The following AGBL4 variants were observed in gnomAD, a reference collection of about 807,000 sequenced individuals.
AGBL4 encodes cytosolic carboxypeptidase 6.
A neutral mutation model predicts 66.4 loss-of-function variants in AGBL4; 58 were observed. That is an observed-to-expected ratio of 0.87 (90% CI 0.71 to 1.09). The LOEUF (loss-of-function observed/expected upper bound fraction) is 1.09, where lower values mean the gene tolerates loss of function less well. Ranked by LOEUF, AGBL4 falls within the 50% of genes least tolerant of loss-of-function variation. The pLI is 0.00. For missense variants in AGBL4, 579 were observed against 631.0 expected (o/e 0.92, Z 0.88); for synonymous variants, 234 against 222.9 (o/e 1.05, Z -0.44).
At chr1:48,875,797 G>A (rs759535288) in intron 5 of AGBL4, among the ~76,000 whole-genome samples, 4 of 152,214 alleles carry the variant, frequency 2.6e-5, no homozygotes, top group East Asian at 1.9e-4. Flanking sequence ...CACAACAGCC[G>A]TTTGAGGCAG....
At chr1:49,559,105 A>C (rs1031011326) in intron 3 of AGBL4, among the ~76,000 whole-genome samples, 5 of 152,110 alleles carry the variant, frequency 3.3e-5, no homozygotes, top group Non-Finnish European at 7.4e-5. Context: ...GAAGTACCTA[A>C]GGTCTTGGGT....
intron 4 of AGBL4, among the ~76,000 whole-genome samples, chr1:49,108,431 A>C (rs1645340278): frequency 6.6e-6 from 1 of 152,232 alleles, no homozygotes; most frequent in South Asian, 2.1e-4. Context: ...GGTAAGGAGA[A>C]GGGAAAGGTG....
Position 49,451,994 on chromosome 1 carries a change from T to C in AGBL4, c.283-206130A>G, listed in dbSNP as rs547965323. Among the ~76,000 whole-genome samples, 3 of 152,044 alleles carry C rather than the reference T, an allele frequency of 2.0e-5. No homozygotes were observed. In the South Asian group the frequency reaches 6.2e-4, roughly 32 times the overall value. Reference sequence around the variant, plus strand: ...GACAGAACTTTGGATCACATCCTCTTTTTTTCTCTCCTTTTGCCCAATACT... The same window carrying C: ...GACAGAACTTTGGATCACATCCTCTCTTTTTCTCTCCTTTTGCCCAATACT... On this transcript the variant is annotated intron_variant, in intron 3 of 13. Transcript: ENST00000371839.
chr1:49,404,935 A>C (rs1256984956), intron 3 of AGBL4, among the ~76,000 whole-genome samples: 1 of 152,214 alleles, frequency 6.6e-6, no homozygotes, highest in African/African-American at 2.4e-5. Flanking sequence ...AGGATTTCCT[A>C]TGTAATGCAT....
intron 4 of AGBL4, among the ~76,000 whole-genome samples, chr1:49,192,516 C>T (rs960726586): frequency 2.6e-5 from 4 of 152,150 alleles, no homozygotes; most frequent in Admixed American, 6.5e-5. Flanking sequence ...CCAGGCTGGT[C>T]GCAAACTCCT....
At chr1:49,718,778 A>T (rs1396662494) in intron 2 of AGBL4, among the ~76,000 whole-genome samples, 1 of 152,018 alleles carries the variant, frequency 6.6e-6, no homozygotes, top group Non-Finnish European at 1.5e-5. Flanking sequence ...CTTTATTCCA[A>T]GAATATAAAG....
At chr1:49,463,814 A>C (rs569263263) in intron 3 of AGBL4, among the ~76,000 whole-genome samples, 2 of 151,884 alleles carry the variant, frequency 1.3e-5, no homozygotes, top group South Asian at 4.1e-4. Flanking sequence ...GAGTGTGCTA[A>C]GAGTATAAAT....
chr1:49,497,948 T>C (rs1393900860), intron 3 of AGBL4, among the ~76,000 whole-genome samples: 2 of 152,080 alleles, frequency 1.3e-5, no homozygotes. Flanking sequence ...ACATTGAATC[T>C]GCTTTTCATC....
In AGBL4 at chr1:48,533,943, G is replaced by C; in HGVS notation, c.*230C>G. ...AGAAAATAGCATCTGTGCTCACCTG[G>C]TTCCGATCTCCTATTTTGTTCCTGA... is the stretch of plus-strand genomic sequence containing the variant. On this transcript the variant is annotated 3_prime_UTR_variant, in exon 14 of 14. Transcript: ENST00000371839. 1.7e-6 allele frequency: 1 copy of C among 597,198 alleles called. No individual in the cohort carries two copies. Among genetic ancestry groups the C allele is most frequent in the Non-Finnish European group, 2.9e-6 (1 of 342,570 alleles). 37.0% of individuals were successfully genotyped at this position (597,198 alleles called of 1,614,324 possible).
At chr1:48,559,169 A>G (rs1644361421) in intron 11 of AGBL4, among the ~76,000 whole-genome samples, 2 of 152,176 alleles carry the variant, frequency 1.3e-5, no homozygotes, top group South Asian at 4.1e-4. Context: ...CAATGTTTTT[A>G]TCCCCCAAGC....
At chr1:49,716,292 T>A (rs959598612) in intron 2 of AGBL4, among the ~76,000 whole-genome samples, 10 of 152,144 alleles carry the variant, frequency 6.6e-5, no homozygotes, top group African/African-American at 1.4e-4. Context: ...GAAGCCTCTG[T>A]TCTGTTCCAT....
At chr1:48,955,600 C>T (rs1198611927) in intron 5 of AGBL4, among the ~76,000 whole-genome samples, 3 of 152,206 alleles carry the variant, frequency 2.0e-5, no homozygotes, top group Non-Finnish European at 4.4e-5. Flanking sequence ...TCACTACAGC[C>T]TCAAACTCCT....
At chr1:48,825,808 A>G (rs546776393) in intron 6 of AGBL4, among the ~76,000 whole-genome samples, 1 of 152,332 alleles carries the variant, frequency 6.6e-6, no homozygotes, top group East Asian at 1.9e-4. Flanking sequence ...GGTAGTCTGT[A>G]TGTGTCTCTC....
intron 2 of AGBL4, among the ~76,000 whole-genome samples, chr1:49,702,729 T>C (rs1456624564): frequency 6.6e-6 from 1 of 151,878 alleles, no homozygotes; most frequent in Non-Finnish European, 1.5e-5. Context: ...TCTAGCAACA[T>C]AAAAAATGAT....
chr1:49,495,013 AT>A (rs1387284559), intron 3 of AGBL4, among the ~76,000 whole-genome samples: 1 of 152,054 alleles, frequency 6.6e-6, no homozygotes, highest in African/African-American at 2.4e-5. Context: ...TTAAAATATA[AT>A]TTTTAAGCAG....
chr1:49,555,569 A>AC (rs1405292602), intron 3 of AGBL4, among the ~76,000 whole-genome samples: 1 of 148,726 alleles, frequency 6.7e-6, no homozygotes, highest in African/African-American at 2.5e-5. Context: ...TTGTAAATGC[A>AC]CCAATCAGTG....
At chr1:49,879,421 G>T (rs61785470) in intron 1 of AGBL4, among the ~76,000 whole-genome samples, 25,115 of 146,098 alleles carry the variant, frequency 0.17, 1,673 homozygotes, top group East Asian at 0.35. Context: ...CACTTATGAA[G>T]CTTAGTTTGG....
At chr1:49,628,426 T>A (rs1195417057) in intron 3 of AGBL4, among the ~76,000 whole-genome samples, 3 of 152,166 alleles carry the variant, frequency 2.0e-5, no homozygotes, top group Non-Finnish European at 2.9e-5. Context: ...CAGAACTGAA[T>A]GAGGCCTGCC....
chr1:49,707,667 G>A (rs1209969506), intron 2 of AGBL4, among the ~76,000 whole-genome samples: 3 of 151,986 alleles, frequency 2.0e-5, no homozygotes, highest in Admixed American at 6.6e-5. Flanking sequence ...CTACATTTTG[G>A]TATGGTTTTC....
Sources: gnomAD v4.1 joint callset for allele counts (sites outside exome capture counted in the v4.1 genomes callset) on GRCh38, gnomAD v4.1.1 for gene constraint, MANE v1.5 for transcripts, NCBI Gene and HGNC (gene_info 2026-07-23, HGNC 2026-07-21) for gene names.